TRIP11: variants seen among roughly 807,000 people sequenced by gnomAD.
The protein encoded by TRIP11 is thyroid hormone receptor interactor 11.
In TRIP11, 148 loss-of-function variants were observed where a neutral mutation model predicts 223.1. The ratio of observed to expected loss-of-function variants is 0.66; its 90% CI spans 0.58 to 0.76. The LOEUF (loss-of-function observed/expected upper bound fraction) is 0.76, where lower values mean the gene tolerates loss of function less well. TRIP11 is among the 30% of genes least tolerant of loss of function. The probability of loss-of-function intolerance (pLI) is 0.00; values close to 1 mark genes in which losing one functional copy is unlikely to be tolerated. For synonymous variants in TRIP11, 762 were observed against 772.6 expected (o/e 0.99, Z 0.23); for missense variants, 2,043 against 2,222.0 (o/e 0.92, Z 1.62).
intron 19 of TRIP11, among the ~76,000 whole-genome samples, chr14:91,973,348 T>C (rs1184333726): frequency 6.6e-6 from 1 of 152,140 alleles, no homozygotes; most frequent in Admixed American, 6.5e-5. Flanking sequence ...TTTAGATAGA[T>C]GATCATCATT....
At chr14:92,023,960 A>G (rs527898574) in intron 3 of TRIP11, among the ~76,000 whole-genome samples, 2 of 151,970 alleles carry the variant, frequency 1.3e-5, no homozygotes, top group Admixed American at 6.6e-5. Flanking sequence ...GGTTCAAGCA[A>G]TTCTCCTGTC....
chr14:91,996,566 G>A (rs931509624), intron 13 of TRIP11, among the ~76,000 whole-genome samples: 1 of 151,990 alleles, frequency 6.6e-6, no homozygotes, highest in African/African-American at 2.4e-5. Flanking sequence ...AAAAGAAAAA[G>A]GTACAAATGA....
At chr14:92,018,769 C>G (rs901322078) in intron 4 of TRIP11, among the ~76,000 whole-genome samples, 3 of 151,514 alleles carry the variant, frequency 2.0e-5, no homozygotes, top group Non-Finnish European at 4.4e-5. Flanking sequence ...CCATCCTGGC[C>G]AACAGGTGAA....
rs764692784 is a variant in TRIP11, at chr14:92,005,824, T to C, written c.2152A>G (p.Lys718Glu). The change falls in exon 11 of 21, where the codon AAA becomes GAA. Residue 718 changes from lysine to glutamate, a missense_variant. By Grantham distance (56) the Lys-to-Glu change is moderately conservative. Coordinates refer to ENST00000267622, the MANE Select transcript of TRIP11 (RefSeq NM_004239.4). ...CACAATTCTGCCTCTATCTCTCCTT[T>C]TTCCATTTTTAGAGTCTCCACAATA... is the stretch of plus-strand genomic sequence containing the variant. ...NTIVETLKMEKGEIEAELCWA... is the reference protein window; with the variant it reads ...NTIVETLKMEEGEIEAELCWA... 3.7e-6 allele frequency: 6 copies of C among 1,613,988 alleles called. No individual in the cohort carries two copies. Among genetic ancestry groups the C allele is most frequent in the Non-Finnish European group, 5.1e-6 (6 of 1,180,036 alleles).
At chr14:92,010,938 C>A in intron 9 of TRIP11, 48 bp downstream of exon 9, 1 of 1,557,718 alleles carries the variant, frequency 6.4e-7, no homozygotes, top group Non-Finnish European at 8.9e-7. Context: ...TGGCTGTGAC[C>A]TGTTACACAT....
chr14:92,022,377 A>AT (rs1566870720), intron 3 of TRIP11, among the ~76,000 whole-genome samples: 1 of 152,248 alleles, frequency 6.6e-6, no homozygotes, highest in Non-Finnish European at 1.5e-5. Flanking sequence ...TTTAGATAAG[A>AT]TAACAGTGAA....
In TRIP11 at chr14:92,003,947, T is replaced by A. The variant is rs537904391; in HGVS notation, c.4029A>T (p.Glu1343Asp). ...GCTCTTCTAACTCTTGCTGAAGCAA[T>A]TCAGAAGATTCACTCAATACTTCAG... is the stretch of plus-strand genomic sequence containing the variant. ...SKSEVLSESSELLQQELEELR... is the reference protein window; with the variant it reads ...SKSEVLSESSDLLQQELEELR... Residue 1343 changes from glutamate to aspartate, a missense_variant, in exon 11 of 21, where the codon GAA becomes GAT. Physicochemically the swap from Glu to Asp is conservative, Grantham distance 45 (BLOSUM62 2). Transcript: ENST00000267622. 6.2e-7 allele frequency: 1 copy of A among 1,614,164 alleles called. No homozygotes were observed. The highest frequency in any genetic ancestry group is 2.2e-5 in the East Asian group (1 of 44,890).
intron 15 of TRIP11, among the ~76,000 whole-genome samples, chr14:91,989,708 T>C (rs1298524725): frequency 3.3e-5 from 5 of 152,094 alleles, no homozygotes. Flanking sequence ...TAGATGTTGC[T>C]GTGAAGGTAT....
At chr14:91,983,942 T>C (rs147099979) in intron 16 of TRIP11, among the ~76,000 whole-genome samples, 363 of 152,368 alleles carry the variant, frequency 2.4e-3, no homozygotes, top group Non-Finnish European at 4.2e-3. Context: ...TTCTTTTATA[T>C]CTGTAGCTTT....
At position 91,975,161 on chromosome 14, in the gene TRIP11, C is replaced by T. The variant is rs376865472; in HGVS notation, c.5457+11G>A. 75 of 1,606,490 alleles carry T rather than the reference C, an allele frequency of 4.7e-5. No homozygotes were observed. Among genetic ancestry groups the T allele is most frequent in the Middle Eastern group, 1.7e-4 (1 of 5,986 alleles). ...ATGAATGTGTTCAGATGGCTTTCATCGTCCAGTCACCTGCTCCATCTCCTC... is the reference window on the plus strand; with the variant it reads ...ATGAATGTGTTCAGATGGCTTTCATTGTCCAGTCACCTGCTCCATCTCCTC... On this transcript the variant is annotated intron_variant, in intron 18 of 20. Coordinates refer to ENST00000267622, the MANE Select transcript of TRIP11 (RefSeq NM_004239.4).
chr14:92,003,707 T>C lies in TRIP11; in HGVS notation c.4269A>G (p.Leu1423=). 1.9e-6 allele frequency: 3 copies of C among 1,614,202 alleles called. No individual in the cohort carries two copies. Among genetic ancestry groups the C allele is most frequent in the Non-Finnish European group, 2.5e-6 (3 of 1,180,024 alleles). The change falls in exon 11 of 21, where the codon CTA becomes CTG. Residue 1423 remains leucine, a synonymous_variant. Transcript: ENST00000267622. ...TAGTGAAATTTTCATTGGAAGAAAG[T>C]AGTTGATCACTTTTGGCTTTGATTA... is the stretch of plus-strand genomic sequence containing the variant. The part of the protein sequence containing the change: ...DLLIKAKSDQ[L]LSSNENFTNK...
chr14:91,984,070 A>G (rs933969355), intron 16 of TRIP11, among the ~76,000 whole-genome samples: 1 of 152,108 alleles, frequency 6.6e-6, no homozygotes, highest in African/African-American at 2.4e-5. Flanking sequence ...AACTCTTAGG[A>G]GACTTTTAAA....
intron 2 of TRIP11, among the ~76,000 whole-genome samples, chr14:92,025,878 C>CAAA (rs372915026): frequency 4.1e-5 from 3 of 74,022 alleles, no homozygotes; most frequent in African/African-American, 4.6e-5. Context: ...GACTCCGTCT[C>CAAA]AAAAAAAAAA....
At chr14:92,031,212 G>A (rs1466621996) in intron 2 of TRIP11, among the ~76,000 whole-genome samples, 2 of 151,926 alleles carry the variant, frequency 1.3e-5, no homozygotes, top group African/African-American at 4.8e-5. Flanking sequence ...TCCACATCCC[G>A]GGTTCAAGTG....
At chr14:91,973,809 G>A (rs1198245756) in intron 19 of TRIP11, among the ~76,000 whole-genome samples, 4 of 152,184 alleles carry the variant, frequency 2.6e-5, no homozygotes, top group Middle Eastern at 3.4e-3. Context: ...GGCGGACCAC[G>A]AGGTCAGGAG....
Position 92,014,237 on chromosome 14 carries a change from G to GT in TRIP11, c.1163_1164insA (p.Phe388LeufsTer9). 6.2e-7 allele frequency: 1 copy of GT among 1,613,994 alleles called. No homozygotes were observed. The highest frequency in any genetic ancestry group is 8.5e-7 in the Non-Finnish European group (1 of 1,179,986). Reference sequence around the variant, plus strand: ...TACCAGACAGTGCTTGTTGTAGTCTGAACACTTCTTCCACTGATGCACTCT... The same window carrying GT: ...TACCAGACAGTGCTTGTTGTAGTCTGTAACACTTCTTCCACTGATGCACTCT... On this transcript the variant is annotated frameshift_variant, in exon 7 of 21. Coordinates refer to ENST00000267622, the MANE Select transcript of TRIP11 (RefSeq NM_004239.4). LOFTEE classifies it high-confidence loss of function.
At chr14:92,011,105 A>AATTTC in intron 8 of TRIP11, 33 bp from the exon 9 acceptor site, 1 of 1,599,298 alleles carries the variant, frequency 6.3e-7, no homozygotes. Context: ...TTTTCAGGTA[A>AATTTC]CAAGAAATTT....
chr14:91,993,104 T>A (rs1431936736), intron 15 of TRIP11, among the ~76,000 whole-genome samples: 1 of 151,426 alleles, frequency 6.6e-6, no homozygotes, highest in Admixed American at 6.6e-5. Context: ...AAAAAAAGAT[T>A]TAATGGGATA....
Position 91,966,229 on chromosome 14 carries a change from G to C in TRIP11, c.*3444C>G, listed in dbSNP as rs2056341102. On this transcript the variant is annotated 3_prime_UTR_variant, in exon 21 of 21. Transcript: ENST00000267622. ...GTTTTACATAGAGAAACCTTAATAAGTATTTAACTTTTTAATAAGTTAAAA... is the reference window on the plus strand; with the variant it reads ...GTTTTACATAGAGAAACCTTAATAACTATTTAACTTTTTAATAAGTTAAAA... The C allele has an allele frequency of 5.7e-6, 1 of 176,618 alleles. No individual in the cohort carries two copies. The highest frequency in any genetic ancestry group is 1.2e-5 in the Non-Finnish European group (1 of 81,884). 10.9% of individuals were successfully genotyped at this position (176,618 alleles called of 1,614,324 possible).
Sources: allele counts gnomAD v4.1 joint callset (sites outside exome capture counted in the v4.1 genomes callset), GRCh38; gene constraint gnomAD v4.1.1; transcripts MANE v1.5; gene names NCBI Gene and HGNC (gene_info 2026-07-23, HGNC 2026-07-21).